Variants in ZPLD1 observed in about 807,000 individuals in gnomAD.
ZPLD1 encodes the protein zona pellucida-like domain-containing protein 1.
A neutral mutation model predicts 47.2 loss-of-function variants in ZPLD1; 34 were observed. The ratio of observed to expected loss-of-function variants is 0.72; its 90% confidence interval spans 0.55 to 0.96. The LOEUF (loss-of-function observed/expected upper bound fraction) is 0.96. Ranked by LOEUF, ZPLD1 falls within the 40% of genes least tolerant of loss-of-function variation. ZPLD1 has a pLI of 0.00. For missense variants in ZPLD1, 512 were observed against 505.8 expected, an observed-to-expected ratio of 1.01 and a Z score of -0.12; for synonymous variants, 176 against 186.2, an observed-to-expected ratio of 0.95 and a Z score of 0.45.
At chr3:102,392,490 G>T (rs1302598309) in intron 7 of ZPLD1, among the ~76,000 whole-genome samples, 1 of 151,686 alleles carries the variant, frequency 6.6e-6, no homozygotes, top group Non-Finnish European at 1.5e-5. Flanking sequence ...GTTACCTCAG[G>T]TGGATCTCCC....
intron 2 of ZPLD1, among the ~76,000 whole-genome samples, chr3:102,437,669 G>A (rs1707110940): frequency 1.3e-5 from 2 of 152,086 alleles, no homozygotes; most frequent in African/African-American, 4.8e-5. Flanking sequence ...GGGCATCCAG[G>A]AAAAAGAATT....
In ZPLD1 at chr3:102,478,136, G is replaced by C. The variant is rs1707786081; in HGVS notation, c.*518G>C. 1 of 152,196 alleles carries C rather than the reference G, an allele frequency of 6.6e-6. No homozygotes were observed. Among genetic ancestry groups the C allele is most frequent in the South Asian group, 2.1e-4 (1 of 4,836 alleles). 9.4% of individuals were successfully genotyped at this position (152,196 alleles called of 1,614,324 possible). ...TTAACTACTCATTCTATGACCTCCTGTGTTTTTGGCCGATTTTCATGTCTG... is the reference window on the plus strand; with the variant it reads ...TTAACTACTCATTCTATGACCTCCTCTGTTTTTGGCCGATTTTCATGTCTG... On this transcript the variant is annotated 3_prime_UTR_variant, in exon 12 of 12. Coordinates refer to ENST00000466937, the MANE Select transcript of ZPLD1 (RefSeq NM_001329788.2).
chr3:102,440,010 A>G (rs1303814010), intron 3 of ZPLD1, among the ~76,000 whole-genome samples: 7 of 152,314 alleles, frequency 4.6e-5, no homozygotes, highest in Admixed American at 2.6e-4. Context: ...GATTTGGCCA[A>G]CTGCAACTCT....
chr3:102,436,766 A>AT (rs1175016397), intron 1 of ZPLD1, 94 bp from the exon 2 acceptor site: 31 of 496,550 alleles, frequency 6.2e-5, no homozygotes, highest in Middle Eastern at 1.0e-3. Flanking sequence ...AGTAAATGTT[A>AT]TTTTCTCCTG....
chr3:102,470,761 G>A (rs74376523), intron 10 of ZPLD1, among the ~76,000 whole-genome samples: 1 of 151,342 alleles, frequency 6.6e-6, no homozygotes, highest in Non-Finnish European at 1.5e-5. Flanking sequence ...CACACGAGTA[G>A]GCCATGCTGG....
chr3:102,443,053 C>T (rs774262909), intron 3 of ZPLD1, among the ~76,000 whole-genome samples: 1 of 152,058 alleles, frequency 6.6e-6, no homozygotes, highest in African/African-American at 2.4e-5. Flanking sequence ...GTATATTTTC[C>T]GAAGCCAGGC....
At chr3:102,435,233 T>A in intron 1 of ZPLD1, 79 bp downstream of exon 1, 1 of 1,524,520 alleles carries the variant, frequency 6.6e-7, no homozygotes, top group Admixed American at 1.7e-5. Context: ...TAAAGAAGGC[T>A]TGAAAATGTC....
chr3:102,404,228 A>T (rs879389228), intron 7 of ZPLD1, among the ~76,000 whole-genome samples: 1 of 151,976 alleles, frequency 6.6e-6, no homozygotes, highest in Non-Finnish European at 1.5e-5. Flanking sequence ...GCATAAACTC[A>T]TTGGATATGC....
intron 11 of ZPLD1, 72 bp from the exon 12 acceptor site, chr3:102,477,371 G>A: frequency 6.8e-7 from 1 of 1,465,174 alleles, no homozygotes; most frequent in Non-Finnish European, 9.3e-7. Context: ...ATGTTTTGCA[G>A]GTAAAATTGG....
intron 7 of ZPLD1, among the ~76,000 whole-genome samples, chr3:102,415,313 G>A (rs1302481619): frequency 6.6e-6 from 1 of 151,792 alleles, no homozygotes; most frequent in East Asian, 1.9e-4. Context: ...AAAATAAAAG[G>A]TAAAGTGATC....
rs1023341864 is a variant in ZPLD1, at chr3:102,470,591, T to C, written c.1042+89T>C. ...TCTAACGAGAACTCAAAGTGGTTCC[T>C]AAACAGCACTAATTAATTGTGAGAC... On this transcript the variant is annotated intron_variant, in intron 10 of 11. Transcript: ENST00000466937. The C allele has an allele frequency of 3.3e-6, 3 of 921,008 alleles. No individual in the cohort carries two copies. The African/African-American group carries it at 5.0e-5, about 15-fold the overall frequency. The allele number at this position is 921,008 out of a possible 1,614,324, so 57.1% of individuals were successfully genotyped here.
At chr3:102,436,162 C>T (rs1168843672) in intron 1 of ZPLD1, among the ~76,000 whole-genome samples, 1 of 152,142 alleles carries the variant, frequency 6.6e-6, no homozygotes, top group African/African-American at 2.4e-5. Context: ...TTTGGGACAA[C>T]CTGAGATGTG....
chr3:102,394,125 A>G (rs1252391165), intron 7 of ZPLD1, among the ~76,000 whole-genome samples: 1 of 152,172 alleles, frequency 6.6e-6, no homozygotes, highest in Non-Finnish European at 1.5e-5. Context: ...TACAGTTTTT[A>G]TAGAGCTTCT....
intron 7 of ZPLD1, among the ~76,000 whole-genome samples, chr3:102,462,917 A>G (rs1435663413): frequency 6.6e-6 from 1 of 152,174 alleles, no homozygotes; most frequent in East Asian, 1.9e-4. Context: ...ACCGTGCCCT[A>G]TAAAAAAATG....
chr3:102,466,862 TAATTAGAATTGTCCCCCCAA>T (rs1260397142), intron 8 of ZPLD1, among the ~76,000 whole-genome samples: 2 of 152,032 alleles, frequency 1.3e-5, no homozygotes, highest in African/African-American at 2.4e-5. Context: ...ATAATATGCA[TAATTAGAATTGTCCCCCCAA>T]AAGCCAAAAT....
Position 102,464,170 on chromosome 3 carries a change from G to A in ZPLD1, c.681-1G>A. On this transcript the variant is annotated splice_acceptor_variant, in intron 7 of 11. Transcript: ENST00000466937. LOFTEE classifies it high-confidence loss of function. The stretch of plus-strand genomic sequence containing the variant: ...GATTATGTTTGCTTACATTCTTTCA[G>A]ATGGAATGTTTTAATGGATTATTGC... 6.2e-7 allele frequency: 1 copy of A among 1,607,274 alleles called. No individual in the cohort carries two copies. The highest frequency in any genetic ancestry group is 8.5e-7 in the Non-Finnish European group (1 of 1,174,372).
intron 3 of ZPLD1, among the ~76,000 whole-genome samples, chr3:102,450,318 A>G (rs914587457): frequency 6.6e-6 from 1 of 152,180 alleles, no homozygotes; most frequent in Non-Finnish European, 1.5e-5. Context: ...TAACACATGT[A>G]CATACTTATA....
At chr3:102,477,109 T>C (rs370311638) in intron 11 of ZPLD1, 68 bp downstream of exon 11, 58 of 1,556,172 alleles carry the variant, frequency 3.7e-5, no homozygotes, top group Non-Finnish European at 5.0e-5. Flanking sequence ...GCTGTAATCA[T>C]CTAAGTGTAA....
intron 2 of ZPLD1, 129 bp from the exon 3 acceptor site, chr3:102,438,351 C>A (rs528456309): frequency 3.3e-6 from 2 of 606,624 alleles, no homozygotes; most frequent in African/African-American, 1.9e-5. Context: ...TCAGTTATTT[C>A]GTGAGCTTTG....
Sources: gnomAD v4.1 joint callset for allele counts (sites outside exome capture counted in the v4.1 genomes callset) on GRCh38, gnomAD v4.1.1 for gene constraint, MANE v1.5 for transcripts, NCBI Gene and HGNC (gene_info 2026-07-23, HGNC 2026-07-21) for gene names.